The following WDR49 variants were observed in gnomAD, a reference collection of about 807,000 sequenced individuals.
WDR49 encodes WD repeat domain 49.
Under a neutral mutation model 119.5 loss-of-function variants are expected in WDR49, and 107 were observed. The ratio of observed to expected loss-of-function variants is 0.90; its 90% CI spans 0.77 to 1.05. The LOEUF is 1.05. WDR49 is among the 50% of genes least tolerant of loss of function. WDR49 has a pLI of 0.00. For missense variants in WDR49, 1,240 were observed against 1,220.5 expected, an observed-to-expected ratio of 1.02 and a Z score of -0.24; for synonymous variants, 425 against 418.8, an observed-to-expected ratio of 1.01 and a Z score of -0.18.
intron 15 of WDR49, among the ~76,000 whole-genome samples, chr3:167,525,456 A>G (rs1471653279): frequency 1.3e-5 from 2 of 151,998 alleles, no homozygotes; most frequent in Non-Finnish European, 2.9e-5. Context: ...GAATCTTTAC[A>G]TGAAATCTAT....
Position 167,486,486 on chromosome 3 carries a change from C to A in WDR49, c.3032-7490G>T, listed in dbSNP as rs569438438. ...TGCTGGTTACAAAAAAAAGACCCAA[C>A]CATCTGCTGTCTTCAAGAGACCCAT... On this transcript the variant is annotated intron_variant, in intron 18 of 18. Transcript: ENST00000682715. Among the ~76,000 whole-genome samples, 19 of 152,180 alleles carry A rather than the reference C, an allele frequency of 1.2e-4. 1 individual carries two copies. The South Asian group carries it at 3.9e-3, about 32-fold the overall frequency.
chr3:167,490,864 A>G (rs1415544963), intron 18 of WDR49, among the ~76,000 whole-genome samples: 1 of 151,980 alleles, frequency 6.6e-6, no homozygotes, highest in East Asian at 1.9e-4. Flanking sequence ...TTCGGGATCT[A>G]CTTGCAAATT....
At chr3:167,518,489 G>T (rs1458101186) in intron 16 of WDR49, among the ~76,000 whole-genome samples, 2 of 152,034 alleles carry the variant, frequency 1.3e-5, no homozygotes, top group Non-Finnish European at 2.9e-5. Flanking sequence ...GGCCAGTGAT[G>T]ATGAGCATTT....
chr3:167,629,410 T>G (rs1360427964), intron 2 of WDR49, among the ~76,000 whole-genome samples: 1 of 152,132 alleles, frequency 6.6e-6, no homozygotes, highest in South Asian at 2.1e-4. Flanking sequence ...AAAAGGGTAC[T>G]GCTCCACCAT....
chr3:167,609,247 T>C (rs950512152), intron 5 of WDR49, among the ~76,000 whole-genome samples: 107 of 152,130 alleles, frequency 7.0e-4, no homozygotes, highest in African/African-American at 2.5e-3. Flanking sequence ...TGAGCCCTCA[T>C]TGTACCTGGT....
rs374068374 is a variant in WDR49, at chr3:167,531,179, A to G, written c.2154T>C (p.Thr718=). ...TTGVRNFEID[T]EGKNAVMRLC... The stretch of plus-strand genomic sequence containing the variant: ...GTCTCATAACAGCATTTTTGCCCTC[A>G]GTGTCAATCTCAAAGTTGCGGACTC... The change falls in exon 13 of 19, where the codon ACT becomes ACC. Residue 718 remains threonine (T), a synonymous_variant. Transcript: ENST00000682715. The G allele has an allele frequency of 1.0e-4, 168 of 1,612,228 alleles. No homozygotes were observed. The highest frequency in any genetic ancestry group is 8.7e-4 in the East Asian group (39 of 44,864).
At chr3:167,639,662 CAT>C (rs1717787036) in intron 2 of WDR49, among the ~76,000 whole-genome samples, 1 of 151,708 alleles carries the variant, frequency 6.6e-6, no homozygotes, top group Non-Finnish European at 1.5e-5. Context: ...ATAAGATAAA[CAT>C]AAAAAGTCAG....
chr3:167,495,191 C>A (rs1046567852), intron 18 of WDR49, among the ~76,000 whole-genome samples: 3 of 151,912 alleles, frequency 2.0e-5, no homozygotes, highest in South Asian at 2.1e-4. Context: ...CAGGGATTAT[C>A]CAGATTTTGG....
chr3:167,610,872 A>G (rs975020647), intron 5 of WDR49, among the ~76,000 whole-genome samples: 2 of 152,240 alleles, frequency 1.3e-5, no homozygotes, highest in Admixed American at 6.5e-5. Flanking sequence ...GGGGGACAGT[A>G]AGGGAGAGAA....
At chr3:167,521,993 G>A (rs199818858) in intron 16 of WDR49, among the ~76,000 whole-genome samples, 1 of 143,096 alleles carries the variant, frequency 7.0e-6, no homozygotes, top group African/African-American at 2.6e-5. Context: ...TAGATAGATA[G>A]ATAGATAGAT....
chr3:167,481,066 C>CAAAA (rs34399475), intron 18 of WDR49, among the ~76,000 whole-genome samples: 10 of 135,718 alleles, frequency 7.4e-5, no homozygotes, highest in African/African-American at 1.8e-4. Flanking sequence ...ATATTTCAAG[C>CAAAA]AAAAAAAAAA....
At chr3:167,652,351 T>A (rs1203830090) in intron 2 of WDR49, among the ~76,000 whole-genome samples, 1 of 152,224 alleles carries the variant, frequency 6.6e-6, no homozygotes, top group Non-Finnish European at 1.5e-5. Context: ...GCTTTTATTA[T>A]ATTTTATTAA....
At chr3:167,617,974 C>T (rs1205423154) in intron 5 of WDR49, among the ~76,000 whole-genome samples, 4 of 152,162 alleles carry the variant, frequency 2.6e-5, no homozygotes, top group African/African-American at 4.8e-5. Context: ...CAAAAGCCTT[C>T]GACGTTTCAC....
intron 18 of WDR49, among the ~76,000 whole-genome samples, chr3:167,489,801 C>G (rs1751062872): frequency 6.6e-6 from 1 of 152,108 alleles, no homozygotes; most frequent in Non-Finnish European, 1.5e-5. Context: ...GCAATGACTA[C>G]CTGTCTATGA....
intron 18 of WDR49, among the ~76,000 whole-genome samples, chr3:167,479,330 A>C (rs1274120785): frequency 3.9e-5 from 6 of 152,182 alleles, no homozygotes; most frequent in African/African-American, 1.4e-4. Flanking sequence ...GAGCCAAGAA[A>C]AAATTATTCT....
intron 2 of WDR49, among the ~76,000 whole-genome samples, chr3:167,652,078 C>G (rs1490908300): frequency 1.3e-5 from 2 of 152,166 alleles, no homozygotes; most frequent in East Asian, 3.8e-4. Flanking sequence ...GCTAAATTTA[C>G]TTGGGGCACT....
intron 2 of WDR49, among the ~76,000 whole-genome samples, chr3:167,631,015 C>T (rs1717345412): frequency 6.6e-6 from 1 of 151,172 alleles, no homozygotes; most frequent in South Asian, 2.1e-4. Flanking sequence ...AAATCCGCAA[C>T]AATAAGCACA....
chr3:167,525,392 C>A (rs1264463863), intron 15 of WDR49, among the ~76,000 whole-genome samples: 1 of 152,052 alleles, frequency 6.6e-6, no homozygotes, highest in Non-Finnish European at 1.5e-5. Flanking sequence ...TTTGAATACC[C>A]TTTATTTCTT....
chr3:167,631,552 G>A (rs1161544594), intron 2 of WDR49, among the ~76,000 whole-genome samples: 3 of 152,056 alleles, frequency 2.0e-5, no homozygotes, highest in Non-Finnish European at 4.4e-5. Context: ...AAATAATGAA[G>A]ATTAACTGTA....
Sources: allele counts gnomAD v4.1 joint callset (sites outside exome capture counted in the v4.1 genomes callset), GRCh38; gene constraint gnomAD v4.1.1; transcripts MANE v1.5; gene names NCBI Gene and HGNC (gene_info 2026-07-23, HGNC 2026-07-21).